CYRIB: variants seen among roughly 807,000 people sequenced by gnomAD.
CYRIB encodes CYFIP-related Rac1 interactor B.
Under a neutral mutation model 44.2 loss-of-function variants are expected in CYRIB, and 8 were observed. The observed-to-expected ratio is 0.18, with a 90% confidence interval of 0.11 to 0.33. CYRIB has a LOEUF of 0.33. Ranked by LOEUF, CYRIB falls within the 10% of genes least tolerant of loss-of-function variation. The probability of loss-of-function intolerance (pLI) is 1.00; values close to 1 mark genes in which losing one functional copy is unlikely to be tolerated. For missense variants in CYRIB, 185 were observed against 382.8 expected, an observed-to-expected ratio of 0.48 and a Z score of 4.31; for synonymous variants, 131 against 127.2, an observed-to-expected ratio of 1.03 and a Z score of -0.20.
intron 5 of CYRIB, among the ~76,000 whole-genome samples, chr8:129,858,730 A>T (rs1587525827): frequency 1.4e-5 from 2 of 145,122 alleles, no homozygotes; most frequent in South Asian, 4.4e-4. Context: ...ACTTATTATG[A>T]CCCTTGGAGG....
intron 2 of CYRIB, among the ~76,000 whole-genome samples, chr8:129,966,496 T>G (rs907470653): frequency 6.6e-6 from 1 of 152,170 alleles, no homozygotes; most frequent in Non-Finnish European, 1.5e-5. Flanking sequence ...TGTCTCTTCT[T>G]GCCCCTGTGA....
At chr8:129,940,904 C>G (rs1251677359), upstream of CYRIB, among the ~76,000 whole-genome samples, 1 of 152,158 alleles carries the variant, frequency 6.6e-6, no homozygotes, top group African/African-American at 2.4e-5. Context: ...AACCAGGGAG[C>G]CTATCCATGA....
At chr8:129,987,450 TCCCCAAG>T (rs1299537302) in intron 1 of CYRIB, among the ~76,000 whole-genome samples, 15 of 151,832 alleles carry the variant, frequency 9.9e-5, no homozygotes, top group Admixed American at 6.6e-4. Flanking sequence ...CTGAGCTAAG[TCCCCAAG>T]CCCTCCATTC....
chr8:129,991,943 CA>C (rs35897320), intron 1 of CYRIB, among the ~76,000 whole-genome samples: 4,485 of 19,034 alleles, frequency 0.24, 230 homozygotes, highest in South Asian at 0.48. Context: ...AGCAGAGTCG[CA>C]AAAAAAAAAA....
intron 2 of CYRIB, among the ~76,000 whole-genome samples, chr8:129,953,476 C>G (rs1243799259): frequency 6.6e-6 from 1 of 152,226 alleles, no homozygotes; most frequent in African/African-American, 2.4e-5. Context: ...CAAACCAGGT[C>G]AGATCCCCTG....
chr8:129,846,675 A>T, intron 11 of CYRIB, 129 bp downstream of exon 13: 6 of 625,418 alleles, frequency 9.6e-6, no homozygotes, highest in Non-Finnish European at 1.6e-5. Context: ...ACAAAATAAG[A>T]TCTTCATATT....
rs550766723 is a variant in CYRIB at position 129,972,812 on chromosome 8, G to C, written c.-295-1817C>G. On this transcript the variant is annotated intron_variant, in intron 1 of 14. Coordinates refer to the CYRIB transcript ENST00000401979. ...ACACACCCAGCACACCCAGGGCATAGAGTGTGGCTCTGATAGAAGTAACAT... is the reference window on the plus strand; with the variant it reads ...ACACACCCAGCACACCCAGGGCATACAGTGTGGCTCTGATAGAAGTAACAT... Among the ~76,000 whole-genome samples the C allele has an allele frequency of 2.6e-5, 4 of 152,074 alleles. No individual in the cohort carries two copies. The South Asian group carries it at 8.3e-4, about 32-fold the overall frequency.
intron 5 of CYRIB, among the ~76,000 whole-genome samples, chr8:129,860,571 GTC>G (rs1414947763): frequency 6.6e-6 from 1 of 152,070 alleles, no homozygotes; most frequent in African/African-American, 2.4e-5. Context: ...ACTACTGTCT[GTC>G]TTAACATTAC....
rs184518198 is a variant in CYRIB, at chr8:129,917,596, G to C, written c.-49-14246C>G. ...ATCTTGGCCAGGTGCAGTGGCTCAA[G>C]GCCTGTAATCCCAGCACTTTGGGAG... On this transcript the variant is annotated intron_variant, in intron 1 of 11. Coordinates refer to ENST00000519824, the Ensembl canonical transcript of CYRIB. Among the ~76,000 whole-genome samples, 70 of 152,164 alleles carry C rather than the reference G, an allele frequency of 4.6e-4. No individual in the cohort carries two copies. The South Asian group carries it at 0.01, about 22-fold the overall frequency.
intron 2 of CYRIB, among the ~76,000 whole-genome samples, chr8:129,952,151 T>G (rs1436797054): frequency 6.6e-6 from 1 of 152,238 alleles, no homozygotes; most frequent in Non-Finnish European, 1.5e-5. Context: ...GTTCAAGCGA[T>G]TCTCCTGCCT....
chr8:129,990,933 C>A (rs2096616203), intron 1 of CYRIB, among the ~76,000 whole-genome samples: 1 of 151,934 alleles, frequency 6.6e-6, no homozygotes, highest in South Asian at 2.1e-4. Context: ...GATTTCAAGA[C>A]CAGCCTGGCC....
At position 129,923,538 on chromosome 8, in the gene CYRIB, G is replaced by A. The variant is rs532947133; in HGVS notation, c.-50+16070C>T. 4.6e-5 allele frequency among the ~76,000 whole-genome samples: 7 copies of A among 152,210 alleles called. No homozygotes were observed. The East Asian group carries it at 1.4e-3, about 30-fold the overall frequency. On this transcript the variant is annotated intron_variant, in intron 1 of 11. Transcript: ENST00000519824. ...GATCCACCCACCTAAGCGTCCCAAA[G>A]TGCTGGGATTACAGGTGTGAGTCAC...
In CYRIB at chr8:129,848,758, A is replaced by T. The variant is rs1220157728; in HGVS notation, c.840+485T>A. Among the ~76,000 whole-genome samples, 4 of 150,996 alleles carry T rather than the reference A, an allele frequency of 2.6e-5. No individual in the cohort carries two copies. In the South Asian group the frequency reaches 6.3e-4, roughly 24 times the overall value. On this transcript the variant is annotated intron_variant, in intron 10 of 11. Transcript: ENST00000519824. ...TAATTTTTTTTTTTTTTTTGTAGAA[A>T]TGGGGGTCTCACTATGCTGCCCAGG...
chr8:129,850,018 T>C (rs1431697168), intron 9 of CYRIB: 1 of 152,142 alleles, frequency 6.6e-6, no homozygotes, highest in Non-Finnish European at 1.5e-5. Context: ...GCGGAAAGAG[T>C]ACGGAACCAG....
At chr8:130,010,681 T>C (rs978822813) in intron 1 of CYRIB, among the ~76,000 whole-genome samples, 1 of 152,164 alleles carries the variant, frequency 6.6e-6, no homozygotes, top group African/African-American at 2.4e-5. Context: ...TCCTAGGCCT[T>C]TGTCACTTTG....
At chr8:129,976,886 G>A (rs537627612) in intron 1 of CYRIB, among the ~76,000 whole-genome samples, 1 of 152,130 alleles carries the variant, frequency 6.6e-6, no homozygotes, top group South Asian at 2.1e-4. Flanking sequence ...CTGTTGCCCA[G>A]GCTGGAGTGC....
At chr8:130,010,477 G>A (rs896761524) in intron 1 of CYRIB, among the ~76,000 whole-genome samples, 1 of 152,190 alleles carries the variant, frequency 6.6e-6, no homozygotes, top group African/African-American at 2.4e-5. Context: ...GCTTAGGCCT[G>A]AAACTCTGAG....
At chr8:129,863,565 CAG>C (rs913792427) in intron 4 of CYRIB, among the ~76,000 whole-genome samples, 4 of 151,082 alleles carry the variant, frequency 2.6e-5, no homozygotes, top group Admixed American at 2.0e-4. Context: ...AGAATTGTCA[CAG>C]ATACTTATTC....
chr8:129,999,177 G>C lies in CYRIB; in HGVS notation c.-296+17193C>G, dbSNP rs374110849. On this transcript the variant is annotated intron_variant, in intron 1 of 14. Transcript: ENST00000401979. ...GCAGAGGAGCAGGGACAGAGTAGAA[G>C]AGACCCCAGCTGCCGCCAAGTAGGC... Among the ~76,000 whole-genome samples the C allele has an allele frequency of 1.5e-3, 223 of 152,306 alleles. 6 individuals carry two copies. In the South Asian group the frequency reaches 0.046, roughly 31 times the overall value.
Sources: gnomAD v4.1 joint callset for allele counts (sites outside exome capture counted in the v4.1 genomes callset) on GRCh38, gnomAD v4.1.1 for gene constraint, MANE v1.5 for transcripts, NCBI Gene and HGNC (gene_info 2026-07-23, HGNC 2026-07-21) for gene names.